Variants in CDKAL1 observed in about 807,000 individuals in gnomAD.
CDKAL1 encodes the protein CDKAL1 threonylcarbamoyladenosine tRNA methylthiotransferase, also known as threonylcarbamoyladenosine tRNA methylthiotransferase.
A neutral mutation model predicts 68.2 loss-of-function variants in CDKAL1; 32 were observed. The ratio of observed to expected loss-of-function variants is 0.47; its 90% CI spans 0.35 to 0.63. The LOEUF (loss-of-function observed/expected upper bound fraction) is 0.63. Ranked by LOEUF, CDKAL1 falls within the 30% of genes least tolerant of loss-of-function variation. The pLI, the probability that CDKAL1 is intolerant of heterozygous loss-of-function variation, is 0.00. For synonymous variants in CDKAL1, 234 were observed against 244.3 expected, an observed-to-expected ratio of 0.96 and a Z score of 0.39; for missense variants, 606 against 696.7, an observed-to-expected ratio of 0.87 and a Z score of 1.47.
At chr6:20,747,937 G>A (rs926504921) in intron 6 of CDKAL1, among the ~76,000 whole-genome samples, 9 of 152,132 alleles carry the variant, frequency 5.9e-5, no homozygotes, top group Non-Finnish European at 1.0e-4. Context: ...TTTTCCCTAT[G>A]TTTAAGGAGA....
chr6:21,146,066 T>C (rs112862813), intron 13 of CDKAL1, among the ~76,000 whole-genome samples: 58 of 152,288 alleles, frequency 3.8e-4, no homozygotes, highest in African/African-American at 1.3e-3. Context: ...GATTGTACCC[T>C]TCTAAACTGC....
intron 4 of CDKAL1, among the ~76,000 whole-genome samples, chr6:20,625,663 A>G (rs1166571649): frequency 1.3e-5 from 2 of 152,082 alleles, no homozygotes. Flanking sequence ...TGTGATTTGT[A>G]ATATTTAGAT....
chr6:20,979,441 G>C (rs759405818), intron 10 of CDKAL1, among the ~76,000 whole-genome samples: 3 of 152,162 alleles, frequency 2.0e-5, no homozygotes, highest in Non-Finnish European at 2.9e-5. Flanking sequence ...GATTTTAGTA[G>C]GCAGGGTTGG....
intron 13 of CDKAL1, among the ~76,000 whole-genome samples, chr6:21,149,465 G>C (rs568697093): frequency 6.6e-6 from 1 of 152,120 alleles, no homozygotes; most frequent in Non-Finnish European, 1.5e-5. Context: ...ATTCTTAAAT[G>C]ATGATTTATG....
chr6:20,804,130 A>G (rs968718216), intron 8 of CDKAL1, among the ~76,000 whole-genome samples: 7 of 152,262 alleles, frequency 4.6e-5, no homozygotes, highest in South Asian at 4.1e-4. Flanking sequence ...TACAATGACT[A>G]TCTACCAATT....
intron 8 of CDKAL1, among the ~76,000 whole-genome samples, chr6:20,810,460 C>T (rs1295506899): frequency 4.8e-5 from 7 of 144,546 alleles, no homozygotes; most frequent in Non-Finnish European, 7.5e-5. Flanking sequence ...TGTCATGTTA[C>T]GCACCTGTTG....
intron 13 of CDKAL1, among the ~76,000 whole-genome samples, chr6:21,152,208 A>G (rs1308778211): frequency 2.0e-5 from 3 of 152,084 alleles, no homozygotes; most frequent in Admixed American, 6.6e-5. Flanking sequence ...TTCTTCCCCT[A>G]AACTCTCAAT....
intron 11 of CDKAL1, among the ~76,000 whole-genome samples, chr6:21,054,348 ATTATTGGAGCTTTATAG>A (rs1156796966): frequency 6.6e-6 from 1 of 152,116 alleles, no homozygotes; most frequent in Non-Finnish European, 1.5e-5. Context: ...TACTGCGTTG[ATTATTGGAGCTTTATAG>A]TTAGTCTTTA....
At chr6:21,198,421 A>T (rs904142998) in intron 14 of CDKAL1, among the ~76,000 whole-genome samples, 1 of 152,156 alleles carries the variant, frequency 6.6e-6, no homozygotes, top group Non-Finnish European at 1.5e-5. Context: ...CAGGGGGGAA[A>T]GTCCTGCTCA....
chr6:20,951,475 A>G (rs183250764), intron 9 of CDKAL1, among the ~76,000 whole-genome samples: 5 of 152,238 alleles, frequency 3.3e-5, no homozygotes, highest in South Asian at 2.1e-4. Context: ...TCAGATTGCT[A>G]TGGCGCAGAG....
intron 5 of CDKAL1, among the ~76,000 whole-genome samples, chr6:20,670,233 C>T (rs11970596): frequency 0.078 from 11,835 of 152,094 alleles, 1,468 homozygotes; most frequent in African/African-American, 0.26. Flanking sequence ...TTGTGAAGTT[C>T]ACTTGGGTTA....
intron 5 of CDKAL1, among the ~76,000 whole-genome samples, chr6:20,686,958 A>G (rs1232802135): frequency 6.6e-6 from 1 of 151,964 alleles, no homozygotes; most frequent in African/African-American, 2.4e-5. Context: ...TGATTATGTG[A>G]TTTTTCTTCT....
At chr6:20,769,456 A>C (rs888271720) in intron 7 of CDKAL1, among the ~76,000 whole-genome samples, 10 of 151,880 alleles carry the variant, frequency 6.6e-5, no homozygotes, top group Non-Finnish European at 1.5e-4. Flanking sequence ...AAGGAGTTTC[A>C]CCATGTTGGC....
At chr6:20,724,519 A>G (rs1360590857) in intron 5 of CDKAL1, among the ~76,000 whole-genome samples, 1 of 152,020 alleles carries the variant, frequency 6.6e-6, no homozygotes, top group Non-Finnish European at 1.5e-5. Flanking sequence ...GAGATCCAGA[A>G]CAGTGTAGGC....
intron 5 of CDKAL1, among the ~76,000 whole-genome samples, chr6:20,687,806 A>G (rs1770692864): frequency 1.3e-5 from 2 of 152,142 alleles, no homozygotes; most frequent in African/African-American, 4.8e-5. Flanking sequence ...GATTATAGGC[A>G]TGAGCCACCT....
At chr6:20,595,187 C>T (rs1765767268) in intron 4 of CDKAL1, among the ~76,000 whole-genome samples, 1 of 152,030 alleles carries the variant, frequency 6.6e-6, no homozygotes, top group African/African-American at 2.4e-5. Context: ...TTGTGGTGTT[C>T]TCTGTATTTC....
chr6:20,882,440 T>C lies in CDKAL1; in HGVS notation c.742+36262T>C, dbSNP rs149484839. Among the ~76,000 whole-genome samples, 628 of 152,352 alleles carry C rather than the reference T, an allele frequency of 4.1e-3. 2 individuals carry two copies. The highest frequency in any genetic ancestry group is 0.014 in the African/African-American group (600 of 41,586). On this transcript the variant is annotated intron_variant, in intron 9 of 15. Coordinates refer to ENST00000274695, the MANE Select transcript of CDKAL1 (RefSeq NM_017774.3). The stretch of plus-strand genomic sequence containing the variant: ...AGACTCCCATATCATATAACACTTC[T>C]ATTAAACAGATGTGTTTACTTTTCT...
intron 15 of CDKAL1, among the ~76,000 whole-genome samples, chr6:21,226,143 G>T (rs1021706449): frequency 6.6e-6 from 1 of 152,152 alleles, no homozygotes. Flanking sequence ...CAAGTTAAAA[G>T]CATCTCTTTC....
Position 20,636,929 on chromosome 6 carries a change from C to T in CDKAL1, c.287-12364C>T, listed in dbSNP as rs375465582. 3.3e-4 allele frequency among the ~76,000 whole-genome samples: 49 copies of T among 150,676 alleles called. 1 individual carries two copies. Among genetic ancestry groups the T allele is most frequent in the African/African-American group, 1.0e-3 (42 of 41,070 alleles). ...GTGTATGCCTGTAATCCCAGCTACT[C>T]GGGAGGCTGAGACTGGAGAATTGCT... On this transcript the variant is annotated intron_variant, in intron 4 of 15. Transcript: ENST00000274695.
Sources: allele counts gnomAD v4.1 joint callset (sites outside exome capture counted in the v4.1 genomes callset), GRCh38; gene constraint gnomAD v4.1.1; transcripts MANE v1.5; gene names NCBI Gene and HGNC (gene_info 2026-07-23, HGNC 2026-07-21).